Variants in HPSE2 observed in about 807,000 individuals in gnomAD.
HPSE2 encodes heparanase 2 (inactive).
In HPSE2, 38 loss-of-function variants were observed where a neutral mutation model predicts 60.5. The observed-to-expected ratio is 0.63, with a 90% CI of 0.48 to 0.82. The LOEUF is 0.82. HPSE2 is among the 40% of genes least tolerant of loss of function. The probability of loss-of-function intolerance (pLI) is 0.00; values close to 1 mark genes in which losing one functional copy is unlikely to be tolerated. For synonymous variants in HPSE2, 295 were observed against 293.2 expected (o/e 1.01, Z -0.06); for missense variants, 713 against 740.4 (o/e 0.96, Z 0.43).
At chr10:98,655,203 C>A (rs1947027213) in intron 6 of HPSE2, among the ~76,000 whole-genome samples, 1 of 151,498 alleles carries the variant, frequency 6.6e-6, no homozygotes. Context: ...TGCCCTTTCT[C>A]ATCTGGGATA....
intron 2 of HPSE2, among the ~76,000 whole-genome samples, chr10:99,188,699 A>G (rs1023830268): frequency 9.9e-5 from 15 of 152,254 alleles, no homozygotes; most frequent in African/African-American, 3.6e-4. Flanking sequence ...GAGTAAAAGT[A>G]GGACTCAAAT....
intron 3 of HPSE2, among the ~76,000 whole-genome samples, chr10:98,963,162 G>A (rs1457184878): frequency 6.6e-6 from 1 of 152,034 alleles, no homozygotes; most frequent in Non-Finnish European, 1.5e-5. Flanking sequence ...TAATCAATAT[G>A]TACTTTCTGA....
intron 10 of HPSE2, among the ~76,000 whole-genome samples, chr10:98,489,047 C>T (rs1941547195): frequency 6.6e-6 from 1 of 152,226 alleles, no homozygotes; most frequent in South Asian, 2.1e-4. Flanking sequence ...GTACTAGGTA[C>T]TCCCCTTGAT....
chr10:98,594,172 TTC>T (rs1945167516), intron 9 of HPSE2, among the ~76,000 whole-genome samples: 1 of 152,090 alleles, frequency 6.6e-6, no homozygotes, highest in African/African-American at 2.4e-5. Context: ...CACAAATATA[TTC>T]TTAGTGATTT....
intron 3 of HPSE2, among the ~76,000 whole-genome samples, chr10:98,898,417 G>A (rs972285277): frequency 1.3e-5 from 2 of 152,104 alleles, no homozygotes; most frequent in African/African-American, 4.8e-5. Context: ...AAATTATCAA[G>A]CCACAAAGAC....
intron 3 of HPSE2, among the ~76,000 whole-genome samples, chr10:98,993,324 C>A (rs7092852): frequency 6.6e-6 from 1 of 152,266 alleles, no homozygotes; most frequent in African/African-American, 2.4e-5. Flanking sequence ...CTGGAAAAGA[C>A]AAATTGCTCA....
intron 10 of HPSE2, among the ~76,000 whole-genome samples, chr10:98,487,391 T>A (rs569803357): frequency 7.6e-4 from 115 of 152,242 alleles, no homozygotes; most frequent in Non-Finnish European, 1.3e-3. Context: ...GGTATCCACA[T>A]AGGGGTTGCA....
At chr10:98,679,051 T>C (rs1947718037) in intron 6 of HPSE2, among the ~76,000 whole-genome samples, 1 of 152,172 alleles carries the variant, frequency 6.6e-6, no homozygotes, top group African/African-American at 2.4e-5. Flanking sequence ...GGTAACTATC[T>C]TAGCTGACCA....
At chr10:99,246,775 G>T in the HPSE2 span, among the ~76,000 whole-genome samples, 1 of 151,930 alleles carries the variant, frequency 6.6e-6, no homozygotes, top group African/African-American at 2.4e-5. Context: ...TGTATATATA[G>T]AAGCCTATTA....
intron 3 of HPSE2, among the ~76,000 whole-genome samples, chr10:98,828,666 A>G (rs1246510368): frequency 6.6e-6 from 1 of 152,242 alleles, no homozygotes; most frequent in Non-Finnish European, 1.5e-5. Context: ...CTTCACATCC[A>G]TTAGAATGAC....
At chr10:99,163,940 T>C (rs1001225561) in intron 2 of HPSE2, among the ~76,000 whole-genome samples, 2 of 152,074 alleles carry the variant, frequency 1.3e-5, no homozygotes, top group African/African-American at 4.8e-5. Flanking sequence ...TTAATAAACT[T>C]GTTCCCTTGG....
At chr10:98,870,477 A>C (rs1346927656) in intron 3 of HPSE2, among the ~76,000 whole-genome samples, 1 of 151,852 alleles carries the variant, frequency 6.6e-6, no homozygotes, top group Non-Finnish European at 1.5e-5. Flanking sequence ...AACTCTGTGA[A>C]CAAAAGGCCA....
intron 5 of HPSE2, among the ~76,000 whole-genome samples, chr10:98,707,152 G>C (rs1948568135): frequency 6.6e-6 from 1 of 151,798 alleles, no homozygotes; most frequent in Admixed American, 6.6e-5. Context: ...AGAGAAAGAA[G>C]GGAATGCCAA....
At chr10:98,799,434 T>C (rs1020152292) in intron 3 of HPSE2, among the ~76,000 whole-genome samples, 6 of 152,134 alleles carry the variant, frequency 3.9e-5, no homozygotes, top group African/African-American at 1.4e-4. Flanking sequence ...ATAGAACAAA[T>C]GGACCTAATA....
chr10:99,239,425 T>TC (rs1849910670), upstream of HPSE2, among the ~76,000 whole-genome samples: 1 of 127,848 alleles, frequency 7.8e-6, no homozygotes, highest in Non-Finnish European at 1.7e-5. Flanking sequence ...AAGGTTTTTT[T>TC]TTTTTTTTTT....
intron 6 of HPSE2, among the ~76,000 whole-genome samples, chr10:98,675,065 T>C (rs1387838239): frequency 3.3e-5 from 5 of 152,224 alleles, no homozygotes; most frequent in Non-Finnish European, 1.5e-5. Context: ...ATTGCACATA[T>C]GATGCTAGAT....
intron 3 of HPSE2, among the ~76,000 whole-genome samples, chr10:98,855,852 T>C (rs1420275284): frequency 6.6e-6 from 1 of 152,108 alleles, no homozygotes; most frequent in East Asian, 1.9e-4. Context: ...GAAGACCCTC[T>C]TTTCAGGTGT....
chr10:98,483,793 G>A (rs1241780842), intron 10 of HPSE2, among the ~76,000 whole-genome samples: 1 of 152,214 alleles, frequency 6.6e-6, no homozygotes, highest in Non-Finnish European at 1.5e-5. Flanking sequence ...AGGTACAGTT[G>A]AGCCATGATG....
intron 7 of HPSE2, among the ~76,000 whole-genome samples, chr10:98,639,857 C>T (rs1036684868): frequency 6.6e-6 from 1 of 152,200 alleles, no homozygotes; most frequent in Non-Finnish European, 1.5e-5. Flanking sequence ...AATCATTTTA[C>T]TTCCAACAAC....
Sources: allele counts gnomAD v4.1 joint callset (sites outside exome capture counted in the v4.1 genomes callset), GRCh38; gene constraint gnomAD v4.1.1; transcripts MANE v1.5; gene names NCBI Gene and HGNC (gene_info 2026-07-23, HGNC 2026-07-21).